Variants in KIAA1217 observed in about 807,000 individuals in gnomAD.
The protein encoded by KIAA1217 is sickle tail protein homolog.
KIAA1217 carries 88 observed loss-of-function variants against 163.9 expected under a neutral mutation model. The observed-to-expected ratio is 0.54, with a 90% CI of 0.45 to 0.64. The LOEUF is 0.64. Ranked by LOEUF, KIAA1217 falls within the 30% of genes least tolerant of loss-of-function variation. The probability of loss-of-function intolerance (pLI) is 0.00; values close to 1 mark genes in which losing one functional copy is unlikely to be tolerated. For missense variants in KIAA1217, 2,372 were observed against 2,475.0 expected, an observed-to-expected ratio of 0.96 and a Z score of 0.88; for synonymous variants, 903 against 923.1, an observed-to-expected ratio of 0.98 and a Z score of 0.39.
At chr10:23,866,610 G>A (rs1305263487) in intron 1 of KIAA1217, among the ~76,000 whole-genome samples, 1 of 151,698 alleles carries the variant, frequency 6.6e-6, no homozygotes, top group Admixed American at 6.6e-5. Context: ...CCATCCCACC[G>A]TGCACCCTAC....
intron 1 of KIAA1217, among the ~76,000 whole-genome samples, chr10:23,845,759 C>T (rs1414070149): frequency 6.6e-6 from 1 of 151,976 alleles, no homozygotes; most frequent in Non-Finnish European, 1.5e-5. Context: ...GTCAATTTTG[C>T]CTTTTGTTGC....
intron 1 of KIAA1217, among the ~76,000 whole-genome samples, chr10:23,830,952 T>C (rs1165561736): frequency 1.3e-5 from 2 of 152,014 alleles, no homozygotes; most frequent in Non-Finnish European, 2.9e-5. Flanking sequence ...CCCACAGGTA[T>C]TGAGTATGAC....
At chr10:24,536,664 G>T in intron 16 of KIAA1217, 110 bp from the exon 17 acceptor site, 4 of 1,144,388 alleles carry the variant, frequency 3.5e-6, no homozygotes, top group Non-Finnish European at 5.0e-6. Context: ...CTAAACCTGC[G>T]TGCAGGACCC....
At chr10:24,446,139 G>A (rs1402731902) in intron 5 of KIAA1217, among the ~76,000 whole-genome samples, 3 of 152,154 alleles carry the variant, frequency 2.0e-5, no homozygotes, top group African/African-American at 7.2e-5. Flanking sequence ...CAGTGATGAT[G>A]AGCATTTTTT....
In KIAA1217 at chr10:23,838,469, T is replaced by G. The variant is rs542250992; in HGVS notation, c.-321+143235T>G. ...ATTGACAACTTGTTTTCCTGTTTTT[T>G]TTTTCTTTTTTTGTGGAGTCTCGCT... On this transcript the variant is annotated intron_variant, in intron 1 of 18. Transcript: ENST00000376462. 2.4e-4 allele frequency among the ~76,000 whole-genome samples: 37 copies of G among 152,234 alleles called. No individual in the cohort carries two copies. In the South Asian group the frequency reaches 7.7e-3, roughly 32 times the overall value.
intron 1 of KIAA1217, among the ~76,000 whole-genome samples, chr10:23,787,724 C>T (rs1835557579): frequency 6.6e-6 from 1 of 152,144 alleles, no homozygotes; most frequent in Non-Finnish European, 1.5e-5. Context: ...TTATGAGAAA[C>T]AGCCTTTCTT....
intron 1 of KIAA1217, among the ~76,000 whole-genome samples, chr10:23,739,254 A>T (rs7084134): frequency 6.6e-6 from 1 of 151,992 alleles, no homozygotes; most frequent in Admixed American, 6.6e-5. Context: ...CGAAAGGGGC[A>T]GGTGATGAGA....
intron 3 of KIAA1217, among the ~76,000 whole-genome samples, chr10:24,426,059 C>T (rs2059144149): frequency 6.6e-6 from 1 of 152,190 alleles, no homozygotes; most frequent in Non-Finnish European, 1.5e-5. Flanking sequence ...TGGTGATCTG[C>T]ATAGTCCTAA....
intron 2 of KIAA1217, among the ~76,000 whole-genome samples, chr10:24,132,806 TG>T (rs1260607799): frequency 2.0e-5 from 3 of 152,152 alleles, no homozygotes; most frequent in Non-Finnish European, 4.4e-5. Context: ...CGGATGAGGC[TG>T]GGGGGCTGTC....
chr10:24,092,478 A>G (rs1301749370), intron 2 of KIAA1217, among the ~76,000 whole-genome samples: 2 of 151,904 alleles, frequency 1.3e-5, no homozygotes, highest in Non-Finnish European at 2.9e-5. Context: ...TCTATTTGTA[A>G]TCAACAAAAA....
At chr10:24,535,179 T>C (rs375074489) in intron 16 of KIAA1217, among the ~76,000 whole-genome samples, 140 of 152,260 alleles carry the variant, frequency 9.2e-4, no homozygotes, top group African/African-American at 3.1e-3. Flanking sequence ...GAGATGGCAA[T>C]TGGCATTTGT....
intron 5 of KIAA1217, among the ~76,000 whole-genome samples, chr10:24,472,351 T>C (rs2063615828): frequency 6.6e-6 from 1 of 152,218 alleles, no homozygotes; most frequent in Admixed American, 6.5e-5. Flanking sequence ...TGATTTCTCA[T>C]AGGCTCAAAT....
At chr10:24,045,914 G>A (rs1378907884) in intron 2 of KIAA1217, among the ~76,000 whole-genome samples, 1 of 152,006 alleles carries the variant, frequency 6.6e-6, no homozygotes, top group African/African-American at 2.4e-5. Context: ...GTTCACCTAT[G>A]GAGAATTTTT....
chr10:23,912,030 T>C (rs1253324706), intron 1 of KIAA1217, among the ~76,000 whole-genome samples: 1 of 152,146 alleles, frequency 6.6e-6, no homozygotes, highest in Non-Finnish European at 1.5e-5. Flanking sequence ...CATGCACCCC[T>C]TCTCTTCCTC....
intron 6 of KIAA1217, among the ~76,000 whole-genome samples, chr10:24,487,607 T>C (rs898820270): frequency 2.4e-4 from 36 of 150,944 alleles, no homozygotes; most frequent in African/African-American, 8.1e-4. Context: ...AAATAGCTTT[T>C]TCCTCTAGAT....
At chr10:24,149,988 G>C (rs117914089) in intron 2 of KIAA1217, among the ~76,000 whole-genome samples, 4,227 of 152,122 alleles carry the variant, frequency 0.028, 85 homozygotes, top group Non-Finnish European at 0.047. Context: ...GCTTAAAACA[G>C]AACTAAGAGA....
intron 4 of KIAA1217, among the ~76,000 whole-genome samples, chr10:24,437,825 T>C (rs2060167471): frequency 6.7e-6 from 1 of 149,128 alleles, no homozygotes. Flanking sequence ...GGTAAAGATA[T>C]TAGATCTTTT....
intron 5 of KIAA1217, among the ~76,000 whole-genome samples, chr10:24,443,061 C>T (rs2060631310): frequency 6.6e-6 from 1 of 152,036 alleles, no homozygotes; most frequent in South Asian, 2.1e-4. Context: ...CAGGCATGCA[C>T]CACTATACCT....
At chr10:24,184,914 G>GA (rs1385589587) in intron 2 of KIAA1217, among the ~76,000 whole-genome samples, 4 of 151,852 alleles carry the variant, frequency 2.6e-5, no homozygotes, top group South Asian at 2.1e-4. Flanking sequence ...TATTATCTCA[G>GA]AAAAAAATAT....
Sources: allele counts gnomAD v4.1 joint callset (sites outside exome capture counted in the v4.1 genomes callset), GRCh38; gene constraint gnomAD v4.1.1; transcripts MANE v1.5; gene names NCBI Gene and HGNC (gene_info 2026-07-23, HGNC 2026-07-21).